Variants in KCNQ3 observed in about 807,000 individuals in gnomAD.
KCNQ3 encodes the protein potassium voltage-gated channel subfamily KQT member 3.
KCNQ3 carries 30 observed loss-of-function variants against 92.5 expected under a neutral mutation model. That is an observed-to-expected ratio of 0.32 (90% CI 0.24 to 0.44). The LOEUF is 0.44. Ranked by LOEUF, KCNQ3 falls within the 20% of genes least tolerant of loss-of-function variation. KCNQ3 has a pLI of 1.00. For synonymous variants in KCNQ3, 450 were observed against 468.8 expected, an observed-to-expected ratio of 0.96 and a Z score of 0.52; for missense variants, 913 against 1,140.3, an observed-to-expected ratio of 0.80 and a Z score of 2.87.
chr8:132,334,523 A>C (rs919981012), intron 1 of KCNQ3, among the ~76,000 whole-genome samples: 2 of 152,252 alleles, frequency 1.3e-5, no homozygotes, highest in Admixed American at 6.5e-5. Context: ...GGCAAAGAAG[A>C]CAACCTTTCT....
At chr8:132,259,882 T>TAAG (rs1220548058) in intron 1 of KCNQ3, among the ~76,000 whole-genome samples, 2 of 151,988 alleles carry the variant, frequency 1.3e-5, no homozygotes, top group Non-Finnish European at 1.5e-5. Context: ...AAAATTAAAT[T>TAAG]AAGAATATAA....
Position 132,461,200 on chromosome 8 carries a change from T to C in KCNQ3, c.386+18947A>G, listed in dbSNP as rs150889787. 6.2e-4 allele frequency among the ~76,000 whole-genome samples: 95 copies of C among 152,178 alleles called. 1 individual carries two copies. In the East Asian group the frequency reaches 0.014, roughly 23 times the overall value. On this transcript the variant is annotated intron_variant, in intron 1 of 14. Coordinates refer to ENST00000388996, the MANE Select transcript of KCNQ3 (RefSeq NM_004519.4). ...GCTATTAGAAACATTTCCATGAAGG[T>C]TTTTGTGTGGATATAAGATTTCAAA...
intron 1 of KCNQ3, among the ~76,000 whole-genome samples, chr8:132,259,589 C>A (rs1039816514): frequency 2.6e-5 from 4 of 152,102 alleles, no homozygotes; most frequent in Non-Finnish European, 4.4e-5. Context: ...AAATCAGGAA[C>A]AAACAAAGCA....
chr8:132,348,000 A>G (rs76667352), intron 1 of KCNQ3, among the ~76,000 whole-genome samples: 33,261 of 144,752 alleles, frequency 0.23, 4,506 homozygotes, highest in African/African-American at 0.36. Context: ...AAAAAAAAAA[A>G]AGGAAAACCC....
At chr8:132,241,815 C>A (rs1815007211) in intron 1 of KCNQ3, among the ~76,000 whole-genome samples, 1 of 151,766 alleles carries the variant, frequency 6.6e-6, no homozygotes, top group African/African-American at 2.4e-5. Flanking sequence ...GCCTGGGCGA[C>A]AAGAGCGAGA....
intron 1 of KCNQ3, among the ~76,000 whole-genome samples, chr8:132,310,995 C>T (rs1282119842): frequency 6.7e-6 from 1 of 148,776 alleles, no homozygotes; most frequent in Non-Finnish European, 1.5e-5. Flanking sequence ...GGCTGGAGTT[C>T]AGTGGCACGA....
intron 1 of KCNQ3, among the ~76,000 whole-genome samples, chr8:132,373,081 C>T (rs918965937): frequency 6.6e-6 from 1 of 152,178 alleles, no homozygotes; most frequent in Admixed American, 6.5e-5. Flanking sequence ...CAGGCTCATC[C>T]CATCTCCCTG....
rs568783910 is a variant in KCNQ3 at position 132,365,741 on chromosome 8, C to T, written c.386+114406G>A. Among the ~76,000 whole-genome samples the T allele has an allele frequency of 7.2e-5, 11 of 152,260 alleles. No homozygotes were observed. In the East Asian group the frequency reaches 1.7e-3, roughly 24 times the overall value. On this transcript the variant is annotated intron_variant, in intron 1 of 14. Transcript: ENST00000388996. ...CTCTACTTGTATAGTTTAAAAAGTA[C>T]CACTATGGCTTGGCGCAGTGGCTCA... is the stretch of plus-strand genomic sequence containing the variant.
At chr8:132,247,153 C>T (rs1815207333) in intron 1 of KCNQ3, among the ~76,000 whole-genome samples, 1 of 152,210 alleles carries the variant, frequency 6.6e-6, no homozygotes, top group Non-Finnish European at 1.5e-5. Flanking sequence ...TATATACCTG[C>T]ATTTCCCCCT....
intron 9 of KCNQ3, among the ~76,000 whole-genome samples, chr8:132,152,524 C>T (rs1362085543): frequency 1.3e-5 from 2 of 152,098 alleles, no homozygotes; most frequent in Admixed American, 6.5e-5. Context: ...TCTTTTGCAA[C>T]AGGAAACAAT....
intron 1 of KCNQ3, among the ~76,000 whole-genome samples, chr8:132,460,991 G>A (rs1822047678): frequency 6.6e-6 from 1 of 152,122 alleles, no homozygotes; most frequent in Admixed American, 6.6e-5. Context: ...ACAGTATGTA[G>A]TGTTTTCACT....
In KCNQ3 at chr8:132,271,339, C is replaced by T. The variant is rs571426421; in HGVS notation, c.387-85158G>A. Reference sequence around the variant, plus strand: ...ACCAGAGGGCTAAATGGCCATGGGCCAAAATGAAAGCTGCCATATATTACA... The same window carrying T: ...ACCAGAGGGCTAAATGGCCATGGGCTAAAATGAAAGCTGCCATATATTACA... On this transcript the variant is annotated intron_variant, in intron 1 of 14. Coordinates refer to ENST00000388996, the MANE Select transcript of KCNQ3 (RefSeq NM_004519.4). 6.8e-4 allele frequency among the ~76,000 whole-genome samples: 103 copies of T among 152,268 alleles called. 1 individual carries two copies. The highest frequency in any genetic ancestry group is 2.3e-3 in the African/African-American group (96 of 41,566).
At chr8:132,367,013 TA>T (rs1184022455) in intron 1 of KCNQ3, among the ~76,000 whole-genome samples, 1 of 152,160 alleles carries the variant, frequency 6.6e-6, no homozygotes, top group East Asian at 1.9e-4. Context: ...CTGCACATCT[TA>T]AAAAATGAGC....
chr8:132,143,447 T>G (rs1301237888), intron 9 of KCNQ3, among the ~76,000 whole-genome samples: 2 of 152,192 alleles, frequency 1.3e-5, no homozygotes, highest in African/African-American at 4.8e-5. Context: ...CCTGGCTATC[T>G]TTGAACACAG....
At chr8:132,395,810 C>T (rs1423558561) in intron 1 of KCNQ3, among the ~76,000 whole-genome samples, 5 of 152,318 alleles carry the variant, frequency 3.3e-5, no homozygotes, top group Non-Finnish European at 7.3e-5. Flanking sequence ...AAGGGACTTA[C>T]CCAATGGCAT....
chr8:132,416,307 G>C (rs2130804209), intron 1 of KCNQ3, among the ~76,000 whole-genome samples: 1 of 152,156 alleles, frequency 6.6e-6, no homozygotes, highest in Non-Finnish European at 1.5e-5. Flanking sequence ...CTTCTCTTTG[G>C]AATTCCAAAC....
intron 1 of KCNQ3, among the ~76,000 whole-genome samples, chr8:132,358,255 G>C (rs1283684012): frequency 2.0e-5 from 3 of 152,224 alleles, no homozygotes; most frequent in Non-Finnish European, 4.4e-5. Context: ...AGCTGAATTA[G>C]AGTTTCCTGC....
At chr8:132,438,144 C>G (rs1229025857) in intron 1 of KCNQ3, among the ~76,000 whole-genome samples, 1 of 152,178 alleles carries the variant, frequency 6.6e-6, no homozygotes, top group Admixed American at 6.5e-5. Flanking sequence ...ATGAGAAATA[C>G]ATTTAGGAAA....
At chr8:132,235,000 T>C (rs1377091971) in intron 1 of KCNQ3, among the ~76,000 whole-genome samples, 1 of 152,236 alleles carries the variant, frequency 6.6e-6, no homozygotes, top group Non-Finnish European at 1.5e-5. Context: ...TTTATATACA[T>C]TAAAATGGTG....
Sources: allele counts gnomAD v4.1 joint callset (sites outside exome capture counted in the v4.1 genomes callset), GRCh38; gene constraint gnomAD v4.1.1; transcripts MANE v1.5; gene names NCBI Gene and HGNC (gene_info 2026-07-23, HGNC 2026-07-21).